GAL3ST1: variants seen among roughly 807,000 people sequenced by gnomAD.
GAL3ST1 encodes galactosylceramide sulfotransferase.
A neutral mutation model predicts 25.0 loss-of-function variants in GAL3ST1; 13 were observed. The ratio of observed to expected loss-of-function variants is 0.52; its 90% CI spans 0.34 to 0.83. The LOEUF (loss-of-function observed/expected upper bound fraction) is 0.83. GAL3ST1 is among the 40% of genes least tolerant of loss of function. The pLI is 0.02. For synonymous variants in GAL3ST1, 274 were observed against 277.8 expected (o/e 0.99, Z 0.14); for missense variants, 474 against 613.6 (o/e 0.77, Z 2.40).
At chr22:30,570,626 T>C (rs945397420) in intron 1 of GAL3ST1, among the ~76,000 whole-genome samples, 1 of 152,124 alleles carries the variant, frequency 6.6e-6, no homozygotes, top group African/African-American at 2.4e-5. Context: ...AGAAACCCCA[T>C]CTCTACTAAA....
At position 30,555,236 on chromosome 22, in the gene GAL3ST1, T is replaced by C; in HGVS notation, c.989A>G (p.Glu330Gly). The change falls in exon 4 of 4, where the codon GAG becomes GGG. Residue 330 changes from glutamate to glycine, a missense_variant. Glu to Gly is a moderately conservative substitution (Grantham distance 98). This residue lies in a region of GAL3ST1 where 359 missense variants were observed against 504.4 expected (regional missense o/e 0.71). Coordinates refer to ENST00000406361, the MANE Select transcript of GAL3ST1 (RefSeq NM_001318104.2). This position sits in a 1 kb window ranked among gnomAD's most constrained non-coding sequence, Gnocchi z 8.6. ...EAFGRERMAR[E>G]VAALRHANER... The stretch of plus-strand genomic sequence containing the variant: ...GTTGGCATGGCGCAGGGCGGCCACC[T>C]CGCGGGCCATGCGCTCCCGCCCGAA... 1 of 1,598,796 alleles carries C rather than the reference T, an allele frequency of 6.3e-7. No individual in the cohort carries two copies. The highest frequency in any genetic ancestry group is 8.5e-7 in the Non-Finnish European group (1 of 1,175,658).
intron 3 of GAL3ST1, 126 bp downstream of exon 3, chr22:30,557,136 G>A: frequency 2.3e-6 from 2 of 870,368 alleles, no homozygotes; most frequent in Admixed American, 2.6e-5. Context: ...GGCACAGCAT[G>A]GTGCAGGGTG....
chr22:30,568,948 C>T lies in GAL3ST1; in HGVS notation c.-120+5518G>A, dbSNP rs143896846. Among the ~76,000 whole-genome samples, 242 of 151,984 alleles carry T rather than the reference C, an allele frequency of 1.6e-3. 4 individuals carry two copies. The East Asian group carries it at 0.034, about 21-fold the overall frequency. On this transcript the variant is annotated intron_variant, in intron 1 of 3. Coordinates refer to ENST00000406361, the MANE Select transcript of GAL3ST1 (RefSeq NM_001318104.2). ...GAAATTAGCCGGGCGTGATGGCAGG[C>T]GCATGTAATACCAGCTACTCGGGAG...
chr22:30,567,358 A>C (rs2086657022), intron 1 of GAL3ST1, among the ~76,000 whole-genome samples: 1 of 151,988 alleles, frequency 6.6e-6, no homozygotes, highest in Non-Finnish European at 1.5e-5. Context: ...CTGCAGCCTC[A>C]AACTCCTGGG....
chr22:30,559,990 C>G (rs1328270717), intron 1 of GAL3ST1, among the ~76,000 whole-genome samples: 1 of 152,130 alleles, frequency 6.6e-6, no homozygotes, highest in Non-Finnish European at 1.5e-5. Flanking sequence ...AGTCAGTCCC[C>G]CTGGGGGAGG....
Position 30,555,593 on chromosome 22 carries a change from G to T in GAL3ST1, c.632C>A (p.Ala211Asp). ...GAAGAGCAGGTTTCGGAGGTAGTGG[G>T]CATTGAAGCCGTTGGGGTCGTAGTA... ...DRYYDPNGFN[A>D]HYLRNLLFFD... Residue 211 changes from alanine to aspartate, a missense_variant, in exon 4 of 4, where the codon GCC becomes GAC. By Grantham distance (126) the Ala-to-Asp change is moderately radical (BLOSUM62 -2). Transcript: ENST00000406361. The surrounding 1 kb of genome is among the most constrained non-coding windows in gnomAD (Gnocchi z 8.6). 1 of 1,613,562 alleles carries T rather than the reference G, an allele frequency of 6.2e-7. No homozygotes were observed.
intron 1 of GAL3ST1, among the ~76,000 whole-genome samples, chr22:30,573,039 G>A (rs1475404163): frequency 6.6e-6 from 1 of 152,180 alleles, no homozygotes; most frequent in Non-Finnish European, 1.5e-5. Context: ...TGTCCGCAAG[G>A]AGCTTCCTCC....
Position 30,573,347 on chromosome 22 carries a change from A to G in GAL3ST1, c.-120+1119T>C, listed in dbSNP as rs534140440. Among the ~76,000 whole-genome samples, 187 of 152,314 alleles carry G rather than the reference A, an allele frequency of 1.2e-3. 1 individual carries two copies. The highest frequency in any genetic ancestry group is 4.1e-3 in the African/African-American group (169 of 41,556). Reference sequence around the variant, plus strand: ...TTTGGAGTCAGCTCAGCTACCTCTGAGCCATGTGACCTTGGACAAGTCATT... The same window carrying G: ...TTTGGAGTCAGCTCAGCTACCTCTGGGCCATGTGACCTTGGACAAGTCATT... On this transcript the variant is annotated intron_variant, in intron 1 of 3. Transcript: ENST00000406361.
intron 1 of GAL3ST1, among the ~76,000 whole-genome samples, 168 bp downstream of exon 1, chr22:30,574,298 G>A (rs1379991434): frequency 6.6e-6 from 1 of 152,096 alleles, no homozygotes; most frequent in African/African-American, 2.4e-5. Flanking sequence ...GCCACCCTCT[G>A]GCAGTGGGCA....
In GAL3ST1 at chr22:30,561,274, C is replaced by T. The variant is rs141736693; in HGVS notation, c.-119-2886G>A. On this transcript the variant is annotated intron_variant, in intron 1 of 3. Coordinates refer to ENST00000406361, the MANE Select transcript of GAL3ST1 (RefSeq NM_001318104.2). ...TTGCTATTTCTCAAAGCTTGCCAGG[C>T]CCCTGCCACACGTGCTGGGTGCTGC... Among the ~76,000 whole-genome samples the T allele has an allele frequency of 5.3e-5, 8 of 152,336 alleles. No individual in the cohort carries two copies. The East Asian group carries it at 1.5e-3, about 29-fold the overall frequency.
chr22:30,572,215 A>G (rs561776508), intron 1 of GAL3ST1, among the ~76,000 whole-genome samples: 2 of 152,352 alleles, frequency 1.3e-5, no homozygotes, highest in South Asian at 4.1e-4. Flanking sequence ...TCTGTACCTT[A>G]CAACATGCCT....
intron 1 of GAL3ST1, among the ~76,000 whole-genome samples, chr22:30,565,565 C>T (rs73881479): frequency 0.05 from 7,573 of 152,252 alleles, 233 homozygotes; most frequent in Admixed American, 0.072. Flanking sequence ...GAAGATGAGT[C>T]TGGCAAGATT....
In GAL3ST1 at chr22:30,556,001, C is replaced by T. The variant is rs776743811; in HGVS notation, c.224G>A (p.Arg75Gln). Reference protein sequence around the residue: ...ANGSAGECQPRRNIVFLKTHK... With the variant: ...ANGSAGECQPQRNIVFLKTHK... The stretch of plus-strand genomic sequence containing the variant: ...CGTCTTCAAGAACACGATGTTGCGC[C>T]GCGGCTGGCACTCCCCCGCCGAGCC... Residue 75 changes from arginine (R) to glutamine (Q), a missense_variant, in exon 4 of 4, where the codon CGG becomes CAG. Physicochemically the swap from Arg to Gln is conservative, Grantham distance 43. This residue lies in a region of GAL3ST1 where 115 missense variants were observed against 109.2 expected (regional missense o/e 1.05). Coordinates refer to ENST00000406361, the MANE Select transcript of GAL3ST1 (RefSeq NM_001318104.2). The T allele has an allele frequency of 3.7e-6, 6 of 1,611,906 alleles. No individual in the cohort carries two copies. The East Asian group carries it at 8.9e-5, about 24-fold the overall frequency.
rs564148640 is a variant in GAL3ST1 at position 30,562,363 on chromosome 22, A to G, written c.-119-3975T>C. On this transcript the variant is annotated intron_variant, in intron 1 of 3. Transcript: ENST00000406361. ...GCTAAGTTTTTAATTTTTTGTAGAGATGGGGGCTCTCACTATGTTGCAGGC... is the reference window on the plus strand; with the variant it reads ...GCTAAGTTTTTAATTTTTTGTAGAGGTGGGGGCTCTCACTATGTTGCAGGC... Among the ~76,000 whole-genome samples, 28 of 151,952 alleles carry G rather than the reference A, an allele frequency of 1.8e-4. 1 individual carries two copies. Among genetic ancestry groups the G allele is most frequent in the Admixed American group, 3.3e-4 (5 of 15,240 alleles).
chr22:30,554,931 C>A lies in GAL3ST1; in HGVS notation c.*22G>T. 2 of 1,527,796 alleles carry A rather than the reference C, an allele frequency of 1.3e-6. No homozygotes were observed. The highest frequency in any genetic ancestry group is 8.8e-7 in the Non-Finnish European group (1 of 1,132,056). 94.6% of individuals were successfully genotyped at this position (1,527,796 alleles called of 1,614,324 possible). On this transcript the variant is annotated 3_prime_UTR_variant, in exon 4 of 4. Transcript: ENST00000406361. ...CCTCTGCAGGGAGCGAGCAGGCAGGCAAGCCGCTGGGCGGTGGGACGTCAC... is the reference window on the plus strand; with the variant it reads ...CCTCTGCAGGGAGCGAGCAGGCAGGAAAGCCGCTGGGCGGTGGGACGTCAC...
At chr22:30,566,817 G>A (rs1156570072) in intron 1 of GAL3ST1, among the ~76,000 whole-genome samples, 1 of 152,054 alleles carries the variant, frequency 6.6e-6, no homozygotes, top group Non-Finnish European at 1.5e-5. Context: ...CACCGTGTTA[G>A]CCAGGATGGT....
intron 3 of GAL3ST1, among the ~76,000 whole-genome samples, chr22:30,556,893 C>A (rs902169704): frequency 1.3e-5 from 2 of 152,180 alleles, no homozygotes; most frequent in African/African-American, 4.8e-5. Flanking sequence ...CACCACCATG[C>A]CCAGCTAATT....
At chr22:30,564,468 T>G (rs1294714084) in intron 1 of GAL3ST1, among the ~76,000 whole-genome samples, 1 of 152,166 alleles carries the variant, frequency 6.6e-6, no homozygotes, top group African/African-American at 2.4e-5. Context: ...GACTAGAACC[T>G]GGGTCTCCCA....
chr22:30,559,385 C>T (rs1158154347), intron 1 of GAL3ST1, among the ~76,000 whole-genome samples: 1 of 151,908 alleles, frequency 6.6e-6, no homozygotes, highest in Admixed American at 6.6e-5. Flanking sequence ...GGATTACAGG[C>T]ACACGCCACC....
Sources: allele counts gnomAD v4.1 joint callset (sites outside exome capture counted in the v4.1 genomes callset), GRCh38; gene constraint gnomAD v4.1.1; regional missense constraint gnomAD v4.1.1; non-coding constraint Gnocchi (gnomAD v3.1); transcripts MANE v1.5; gene names NCBI Gene and HGNC (gene_info 2026-07-23, HGNC 2026-07-21).